The following NUP85 variants were observed in gnomAD, a reference collection of about 807,000 sequenced individuals.
The protein encoded by NUP85 is nuclear pore complex protein Nup85.
Under a neutral mutation model 92.8 loss-of-function variants are expected in NUP85, and 23 were observed. That is an observed-to-expected ratio of 0.25 (90% confidence interval 0.18 to 0.35). The LOEUF is 0.35. Ranked by LOEUF, NUP85 falls within the 10% of genes least tolerant of loss-of-function variation. NUP85 has a pLI of 1.00. For missense variants in NUP85, 759 were observed against 822.8 expected (o/e 0.92, Z 0.95); for synonymous variants, 314 against 306.9 (o/e 1.02, Z -0.24).
rs200361674 is a variant in NUP85, at chr17:75,232,953, C to T, written c.1499C>T (p.Thr500Met). 3.7e-6 allele frequency: 6 copies of T among 1,614,188 alleles called. No homozygotes were observed. The highest frequency in any genetic ancestry group is 1.1e-5 in the South Asian group (1 of 91,088). ...CGTGCTAAGGATGCCGCCTTTGCCA[C>T]GCTCGTGTCAGACAGGTGGGTGCCG... ...SIRAKDAAFA[T>M]LVSDRFLRDY... Residue 500 changes from threonine (T) to methionine (M), a missense_variant, in exon 15 of 19, where the codon ACG (threonine) becomes ATG (methionine). By Grantham distance (81) the Thr-to-Met change is moderately conservative. Transcript: ENST00000245544.
intron 11 of NUP85, among the ~76,000 whole-genome samples, chr17:75,227,766 T>A (rs1275923816): frequency 6.6e-6 from 1 of 152,082 alleles, no homozygotes; most frequent in African/African-American, 2.4e-5. Flanking sequence ...GCCTTCCAGG[T>A]AGCTAGGACT....
At chr17:75,207,116 T>G (rs1312902651) in intron 1 of NUP85, among the ~76,000 whole-genome samples, 2 of 152,084 alleles carry the variant, frequency 1.3e-5, no homozygotes, top group African/African-American at 4.8e-5. Flanking sequence ...CTGAAAATTT[T>G]AGAGGCTCAC....
chr17:75,208,407 T>C (rs1199773057), intron 1 of NUP85, 120 bp from the exon 2 acceptor site: 5 of 696,826 alleles, frequency 7.2e-6, no homozygotes, highest in Non-Finnish European at 1.0e-5. Context: ...ATTACACCAC[T>C]GTACACCAGC....
intron 5 of NUP85, among the ~76,000 whole-genome samples, chr17:75,215,089 T>C (rs1324177076): frequency 1.3e-5 from 2 of 152,252 alleles, no homozygotes; most frequent in East Asian, 3.9e-4. Flanking sequence ...GAGAATCACT[T>C]GAACCCGGGA....
At chr17:75,208,393 T>A in intron 1 of NUP85, 134 bp from the exon 2 acceptor site, 3 of 663,544 alleles carry the variant, frequency 4.5e-6, no homozygotes, top group Non-Finnish European at 5.3e-6. Flanking sequence ...TGGAGCAAGC[T>A]GAGATTACAC....
In NUP85 at chr17:75,208,440, C is replaced by A. The variant is rs1220098361; in HGVS notation, c.34-87C>A. ...AGCCTGTTAGAGTGAGTCTTTGTCT[C>A]AAAAAAAAAAAAAAAAAAAAAAGAA... On this transcript the variant is annotated intron_variant, in intron 1 of 18. Transcript: ENST00000245544. 7.6e-5 allele frequency: 44 copies of A among 577,120 alleles called. No individual in the cohort carries two copies. The African/African-American group carries it at 1.1e-3, about 15-fold the overall frequency. The allele number at this position is 577,120 out of a possible 1,614,324, so 35.7% of individuals were successfully genotyped here.
chr17:75,232,977 C>T lies in NUP85; in HGVS notation c.1514+9C>T, dbSNP rs376944043. 23 of 1,613,566 alleles carry T rather than the reference C, an allele frequency of 1.4e-5. No homozygotes were observed. Among genetic ancestry groups the T allele is most frequent in the Admixed American group, 1.0e-4 (6 of 59,996 alleles). ...ACGCTCGTGTCAGACAGGTGGGTGCCGCTAGTGTTGGCTTCCCAGGGACTG... is the reference window on the plus strand; with the variant it reads ...ACGCTCGTGTCAGACAGGTGGGTGCTGCTAGTGTTGGCTTCCCAGGGACTG... On this transcript the variant is annotated intron_variant, in intron 15 of 18. Coordinates refer to ENST00000245544, the MANE Select transcript of NUP85 (RefSeq NM_024844.5).
intron 16 of NUP85, among the ~76,000 whole-genome samples, chr17:75,234,408 G>A (rs2076240972): frequency 6.6e-6 from 1 of 152,108 alleles, no homozygotes; most frequent in Non-Finnish European, 1.5e-5. Context: ...TGACTCTGAT[G>A]TTTCCCCAGA....
Position 75,213,109 on chromosome 17 carries a change from T to C in NUP85, c.395T>C (p.Phe132Ser), listed in dbSNP as rs764311680. ...AAAGATCCAGCCAATGGCCGCCAGT[T>C]CAGCAGCCAGGTAAGGGGAGTCACC... ...AAKDPANGRQFSSQVSILSAM... is the reference protein window; with the variant it reads ...AAKDPANGRQSSSQVSILSAM... Residue 132 changes from phenylalanine (F) to serine (S), a missense_variant, in exon 5 of 19, where the codon TTC (phenylalanine) becomes TCC (serine). Physicochemically the swap from Phe to Ser is radical, Grantham distance 155 (BLOSUM62 -2). Coordinates refer to ENST00000245544, the MANE Select transcript of NUP85 (RefSeq NM_024844.5). 19 of 1,613,582 alleles carry C rather than the reference T, an allele frequency of 1.2e-5. No individual in the cohort carries two copies. The highest frequency in any genetic ancestry group is 1.5e-5 in the Non-Finnish European group (18 of 1,179,882).
In NUP85 at chr17:75,205,742, G is replaced by A. The variant is rs1349807755; in HGVS notation, c.-20G>A. 6 of 1,614,044 alleles carry A rather than the reference G, an allele frequency of 3.7e-6. No homozygotes were observed. In the African/African-American group the frequency reaches 5.3e-5, roughly 14 times the overall value. Reference sequence around the variant, plus strand: ...AGCATTGGCGTCCGAGCGACTTCTAGGAGCCTGGGGTTCGGCGCTATGGAG... The same window carrying A: ...AGCATTGGCGTCCGAGCGACTTCTAAGAGCCTGGGGTTCGGCGCTATGGAG... On this transcript the variant is annotated 5_prime_UTR_variant, in exon 1 of 19. Coordinates refer to ENST00000245544, the MANE Select transcript of NUP85 (RefSeq NM_024844.5).
At chr17:75,228,361 C>T (rs146951568) in intron 11 of NUP85, 18 of 985,432 alleles carry the variant, frequency 1.8e-5, no homozygotes, top group Non-Finnish European at 2.2e-5. Context: ...TCCACTCTCA[C>T]AAGCAGGAAG....
Position 75,231,050 on chromosome 17 carries a change from G to C in NUP85, c.1095-290G>C. On this transcript the variant is annotated intron_variant, in intron 11 of 18. Coordinates refer to ENST00000245544, the MANE Select transcript of NUP85 (RefSeq NM_024844.5). This position sits in a 1 kb window ranked among gnomAD's most constrained non-coding sequence, Gnocchi z 4.6. ...AGGCTCAAGCAATACTCCCACCCCA[G>C]CTTCTCGAGTAGCTGGGATTACAGG... 2.8e-6 allele frequency: 1 copy of C among 359,976 alleles called. No homozygotes were observed. The highest frequency in any genetic ancestry group is 2.6e-5 in the South Asian group (1 of 37,840). 22.3% of individuals were successfully genotyped at this position (359,976 alleles called of 1,614,324 possible).
At chr17:75,230,575 G>T (rs2076014499) in intron 11 of NUP85, among the ~76,000 whole-genome samples, 1 of 152,048 alleles carries the variant, frequency 6.6e-6, no homozygotes, top group African/African-American at 2.4e-5. Context: ...TAGCGAAGAT[G>T]GTCTTGATTT....
chr17:75,224,235 T>C (rs1035455804), intron 7 of NUP85, among the ~76,000 whole-genome samples: 21 of 151,838 alleles, frequency 1.4e-4, no homozygotes, highest in South Asian at 6.2e-4. Context: ...TTAGTAGAGA[T>C]GGGGTTTCAC....
chr17:75,234,052 CTTTT>C (rs10716628), intron 16 of NUP85, among the ~76,000 whole-genome samples: 5 of 118,052 alleles, frequency 4.2e-5, no homozygotes, highest in Non-Finnish European at 3.5e-5. Context: ...CATGTTTCTT[CTTTT>C]TTTTTTTTTT....
At chr17:75,233,036 A>C in intron 15 of NUP85, 22 bp from the exon 16 acceptor site, 1 of 1,613,616 alleles carries the variant, frequency 6.2e-7, no homozygotes, top group Non-Finnish European at 8.5e-7. Context: ...TGCTGCTCTG[A>C]TCTCTGGGCC....
chr17:75,233,035 G>A (rs780750356), intron 15 of NUP85, 23 bp from the exon 16 acceptor site: 1 of 1,613,740 alleles, frequency 6.2e-7, no homozygotes, highest in South Asian at 1.1e-5. Flanking sequence ...CTGCTGCTCT[G>A]ATCTCTGGGC....
In NUP85 at chr17:75,233,074, T is replaced by G. The variant is rs768682043; in HGVS notation, c.1531T>G (p.Cys511Gly). 1 of 1,614,206 alleles carries G rather than the reference T, an allele frequency of 6.2e-7. No individual in the cohort carries two copies. Among genetic ancestry groups the G allele is most frequent in the Non-Finnish European group, 8.5e-7 (1 of 1,180,032 alleles). ...GCCCTGCAGGTTCCTCAGGGATTAC[T>G]GTGAGCGAGGCTGCTTTTCTGATTT... ...LVSDRFLRDY[C>G]ERGCFSDLDL... The change falls in exon 16 of 19, where the codon TGT becomes GGT. Residue 511 changes from cysteine to glycine, a missense_variant. By Grantham distance (159) the Cys-to-Gly change is radical. Transcript: ENST00000245544.
chr17:75,213,924 T>C (rs1296448407), intron 5 of NUP85, among the ~76,000 whole-genome samples: 3 of 146,092 alleles, frequency 2.1e-5, no homozygotes, highest in Non-Finnish European at 3.0e-5. Flanking sequence ...CAGGCTGGAA[T>C]GCAGTGGCGC....
Sources: gnomAD v4.1 joint callset for allele counts (sites outside exome capture counted in the v4.1 genomes callset) on GRCh38, gnomAD v4.1.1 for gene constraint, Gnocchi (gnomAD v3.1) non-coding constraint, MANE v1.5 for transcripts, NCBI Gene and HGNC (gene_info 2026-07-23, HGNC 2026-07-21) for gene names.